XIRP2: variants seen among roughly 807,000 people sequenced by gnomAD.
XIRP2 encodes xin actin binding repeat containing 2, also known as xin actin-binding repeat-containing protein 2.
A neutral mutation model predicts 277.0 loss-of-function variants in XIRP2; 236 were observed. That is an observed-to-expected ratio of 0.85 (90% CI 0.77 to 0.95). The LOEUF is 0.95. XIRP2 is among the 40% of genes least tolerant of loss of function. The probability of loss-of-function intolerance (pLI) is 0.00; values close to 1 mark genes in which losing one functional copy is unlikely to be tolerated. For synonymous variants in XIRP2, 1,490 were observed against 1,416.5 expected (o/e 1.05, Z -1.17); for missense variants, 4,640 against 4,157.5 (o/e 1.12, Z -3.19).
chr2:166,988,361 A>G (rs1450113113), intron 2 of XIRP2, among the ~76,000 whole-genome samples: 2 of 152,224 alleles, frequency 1.3e-5, no homozygotes, highest in Non-Finnish European at 2.9e-5. Flanking sequence ...CTTTCAGATT[A>G]GTCGAGACAC....
rs144764153 is a variant in XIRP2, at chr2:166,978,026, G to A, written c.408+74136G>A. Among the ~76,000 whole-genome samples, 49 of 152,272 alleles carry A rather than the reference G, an allele frequency of 3.2e-4. No individual in the cohort carries two copies. In the East Asian group the frequency reaches 8.9e-3, roughly 28 times the overall value. On this transcript the variant is annotated intron_variant, in intron 2 of 10. Transcript: ENST00000409195. ...TATAATTCAAGTCTAATTAATGTGT[G>A]TATGTTTGCATGTGTGTGATTGTGT...
chr2:167,049,096 A>G (rs899645088), intron 2 of XIRP2, among the ~76,000 whole-genome samples: 17 of 151,608 alleles, frequency 1.1e-4, no homozygotes, highest in South Asian at 1.0e-3. Flanking sequence ...GCTTACTTCA[A>G]TGAGTTCTTT....
chr2:167,244,493 A>G lies in XIRP2; in HGVS notation c.3101A>G (p.His1034Arg), dbSNP rs746336338. 1 of 1,613,818 alleles carries G rather than the reference A, an allele frequency of 6.2e-7. No individual in the cohort carries two copies. The highest frequency in any genetic ancestry group is 1.1e-5 in the South Asian group (1 of 91,066). The change falls in exon 9 of 11, where the codon CAT (histidine) becomes CGT (arginine). Residue 1034 changes from histidine (H) to arginine (R), a missense_variant. Physicochemically the swap from His to Arg is conservative, Grantham distance 29. Transcript: ENST00000409195. ...RPIDQFDESI[H>R]KFQIIRGISA... Reference sequence around the variant, plus strand: ...ATTGACCAGTTTGATGAAAGCATTCATAAATTTCAAATAATTAGAGGAATA... The same window carrying G: ...ATTGACCAGTTTGATGAAAGCATTCGTAAATTTCAAATAATTAGAGGAATA...
chr2:167,157,499 T>G (rs998179946), intron 3 of XIRP2, among the ~76,000 whole-genome samples: 15 of 152,140 alleles, frequency 9.9e-5, no homozygotes, highest in African/African-American at 3.4e-4. Context: ...TTACATTGTA[T>G]AAGTATGCAT....
At chr2:167,136,867 G>C (rs1178330148) in intron 3 of XIRP2, among the ~76,000 whole-genome samples, 1 of 152,188 alleles carries the variant, frequency 6.6e-6, no homozygotes, top group African/African-American at 2.4e-5. Flanking sequence ...GAGCAATGTG[G>C]AAAGTCTTTG....
chr2:167,168,782 T>C (rs1046334348), intron 3 of XIRP2, among the ~76,000 whole-genome samples: 1 of 151,962 alleles, frequency 6.6e-6, no homozygotes, highest in Non-Finnish European at 1.5e-5. Context: ...GCCCGGCTAA[T>C]TTTTTGTATT....
intron 3 of XIRP2, among the ~76,000 whole-genome samples, chr2:167,179,296 A>T (rs1247536055): frequency 2.0e-5 from 3 of 150,696 alleles, no homozygotes; most frequent in African/African-American, 7.3e-5. Flanking sequence ...CCCAGTGAGG[A>T]CACATTAATC....
chr2:167,086,895 C>A (rs557149278), intron 2 of XIRP2, among the ~76,000 whole-genome samples: 1 of 152,170 alleles, frequency 6.6e-6, no homozygotes, highest in Non-Finnish European at 1.5e-5. Flanking sequence ...TGAATGTCCT[C>A]CTGTAGCTCA....
At chr2:167,055,311 A>T (rs1260578848) in intron 2 of XIRP2, among the ~76,000 whole-genome samples, 1 of 152,182 alleles carries the variant, frequency 6.6e-6, no homozygotes, top group African/African-American at 2.4e-5. Context: ...TCAAGAGTAA[A>T]TGAGGTGGAG....
intron 2 of XIRP2, among the ~76,000 whole-genome samples, chr2:166,944,104 TACTA>T (rs1263799307): frequency 2.0e-5 from 3 of 152,240 alleles, no homozygotes; most frequent in Non-Finnish European, 4.4e-5. Flanking sequence ...GCCTGGAACT[TACTA>T]ACTTTCTAAG....
rs559947921 is a variant in XIRP2 at position 166,890,098 on chromosome 2, C to G, written c.-19+1541C>G. 4.0e-5 allele frequency among the ~76,000 whole-genome samples: 6 copies of G among 151,820 alleles called. No individual in the cohort carries two copies. In the East Asian group the frequency reaches 1.2e-3, roughly 30 times the overall value. Reference sequence around the variant, plus strand: ...GCAACGTCCACCTCCCAGGTTCAAGCGATTCTCCTGCCTCAGCCTCCTGAG... The same window carrying G: ...GCAACGTCCACCTCCCAGGTTCAAGGGATTCTCCTGCCTCAGCCTCCTGAG... On this transcript the variant is annotated intron_variant, in intron 1 of 10. Coordinates refer to ENST00000409195, the MANE Select transcript of XIRP2 (RefSeq NM_152381.6).
chr2:167,086,138 G>C (rs971732040), intron 2 of XIRP2, among the ~76,000 whole-genome samples: 1 of 151,916 alleles, frequency 6.6e-6, no homozygotes, highest in African/African-American at 2.4e-5. Flanking sequence ...GGCTGGCCTG[G>C]TGGTGACAAA....
chr2:167,142,780 G>A (rs896350917), intron 3 of XIRP2, among the ~76,000 whole-genome samples: 1 of 152,132 alleles, frequency 6.6e-6, no homozygotes, highest in Admixed American at 6.5e-5. Context: ...ACGGTGCTAT[G>A]CCAGAGAAGT....
In XIRP2 at chr2:167,248,271, T is replaced by G. The variant is rs1403308999; in HGVS notation, c.6879T>G (p.Ser2293=). Residue 2293 remains serine, a synonymous_variant, in exon 9 of 11, where the codon TCT becomes TCG. Transcript: ENST00000409195. The stretch of plus-strand genomic sequence containing the variant: ...GTGAGTGCCCCCTTCCACCTCCATC[T>G]CCACCTCCTCCACCACCTTCTAATG... ...KESECPLPPP[S]PPPPPPSNAS... is the part of the protein sequence containing the mutation. The G allele has an allele frequency of 6.2e-7, 1 of 1,613,598 alleles. No homozygotes were observed.
rs950125981 is a variant in XIRP2, at chr2:167,153,560, C to A, written c.562+17498C>A. On this transcript the variant is annotated intron_variant, in intron 3 of 10. Transcript: ENST00000409195. ...TCTCCTAAAGCTATCCCTCCCCACT[C>A]CCCCCACCCCACAACAGTCCCCAGA... Among the ~76,000 whole-genome samples the A allele has an allele frequency of 1.5e-4, 23 of 151,610 alleles. 1 individual carries two copies. The highest frequency in any genetic ancestry group is 5.1e-4 in the African/African-American group (21 of 41,328).
chr2:167,014,547 A>T lies in XIRP2; in HGVS notation c.408+110657A>T, dbSNP rs539488068. On this transcript the variant is annotated intron_variant, in intron 2 of 10. Transcript: ENST00000409195. ...TTGAAGAAATCTTTCAGAGCAAAGA[A>T]CAAAAATACAAAGAAGTGGAGAATA... Among the ~76,000 whole-genome samples the T allele has an allele frequency of 5.3e-5, 8 of 151,882 alleles. No individual in the cohort carries two copies. The South Asian group carries it at 1.7e-3, about 31-fold the overall frequency.
chr2:167,112,212 T>C (rs1180196256), intron 2 of XIRP2, among the ~76,000 whole-genome samples: 1 of 152,018 alleles, frequency 6.6e-6, no homozygotes, highest in African/African-American at 2.4e-5. Flanking sequence ...AGCCTTGGGT[T>C]TGGTTTGCTC....
chr2:167,081,452 A>G (rs1419939165), intron 2 of XIRP2, among the ~76,000 whole-genome samples: 1 of 152,228 alleles, frequency 6.6e-6, no homozygotes, highest in Non-Finnish European at 1.5e-5. Flanking sequence ...TGGGTGGCAG[A>G]GTAAAACTGC....
At chr2:167,048,065 C>T (rs1309453937) in intron 2 of XIRP2, among the ~76,000 whole-genome samples, 1 of 151,896 alleles carries the variant, frequency 6.6e-6, no homozygotes, top group African/African-American at 2.4e-5. Context: ...AATACCATCA[C>T]ATTGGGAATT....
Sources: allele counts gnomAD v4.1 joint callset (sites outside exome capture counted in the v4.1 genomes callset), GRCh38; gene constraint gnomAD v4.1.1; transcripts MANE v1.5; gene names NCBI Gene and HGNC (gene_info 2026-07-23, HGNC 2026-07-21).